SRRM1: variants seen among roughly 807,000 people sequenced by gnomAD.
SRRM1 encodes serine and arginine repetitive matrix 1.
Under a neutral mutation model 110.2 loss-of-function variants are expected in SRRM1, and 19 were observed. That is an observed-to-expected ratio of 0.17 (90% confidence interval 0.12 to 0.25). The LOEUF is 0.25. Among genes scored for constraint, SRRM1 ranks in the 10% least tolerant of loss-of-function variants. SRRM1 has a pLI of 1.00. For synonymous variants in SRRM1, 443 were observed against 414.9 expected (o/e 1.07, Z -0.82); for missense variants, 918 against 1,145.8 (o/e 0.80, Z 2.87).
intron 12 of SRRM1, among the ~76,000 whole-genome samples, chr1:24,663,878 AAATAATAATAATAAT>A (rs10555916): frequency 9.9e-5 from 14 of 141,514 alleles, no homozygotes; most frequent in African/African-American, 2.3e-4. Context: ...TCCCTCTCAA[AAATAATAATAATAAT>A]AATAATAATA....
chr1:24,660,233 G>C (rs894439508), intron 9 of SRRM1, among the ~76,000 whole-genome samples: 1 of 152,138 alleles, frequency 6.6e-6, no homozygotes, highest in African/African-American at 2.4e-5. Flanking sequence ...TGTGGAGCTC[G>C]TGTAGCACAC....
intron 15 of SRRM1, 90 bp downstream of exon 15, chr1:24,670,405 T>C: frequency 1.3e-5 from 17 of 1,340,934 alleles, no homozygotes; most frequent in Non-Finnish European, 1.6e-5. Flanking sequence ...CATTAAAATA[T>C]TGGTGTTTAA....
chr1:24,654,705 TC>T (rs1557683973), intron 8 of SRRM1, 149 bp from the exon 9 acceptor site: 2 of 881,420 alleles, frequency 2.3e-6, no homozygotes, highest in South Asian at 1.7e-5. Context: ...TATGGTTTTT[TC>T]CCCCATTCTT....
In SRRM1 at chr1:24,672,441, T is replaced by C. The variant is rs1277568612; in HGVS notation, c.*155T>C. 2.7e-5 allele frequency: 14 copies of C among 526,140 alleles called. No homozygotes were observed. Among genetic ancestry groups the C allele is most frequent in the Non-Finnish European group, 4.5e-5 (13 of 288,910 alleles). 32.6% of individuals were successfully genotyped at this position (526,140 alleles called of 1,614,324 possible). On this transcript the variant is annotated 3_prime_UTR_variant, in exon 17 of 17. Transcript: ENST00000323848. ...TAAAAAAAGGGGGCATGGATTTACA[T>C]TGCAAAAGGTGTCCACAGTGTATTA...
At chr1:24,660,935 G>A (rs1307935650) in intron 10 of SRRM1, 136 bp downstream of exon 10, 1 of 566,530 alleles carries the variant, frequency 1.8e-6, no homozygotes, top group East Asian at 3.0e-5. Context: ...AGACTCTGAA[G>A]GCAGACAGAC....
chr1:24,646,392 T>C (rs1253002560), intron 2 of SRRM1, among the ~76,000 whole-genome samples: 4 of 151,978 alleles, frequency 2.6e-5, no homozygotes. Flanking sequence ...CCGGGCGTGG[T>C]GGCGGGTGCC....
At chr1:24,670,690 G>T (rs937728547) in intron 15 of SRRM1, among the ~76,000 whole-genome samples, 2 of 152,264 alleles carry the variant, frequency 1.3e-5, no homozygotes, top group South Asian at 2.1e-4. Context: ...TAGAGACAGG[G>T]TCTTGCTGTG....
In SRRM1 at chr1:24,643,304, C is replaced by A. The variant is rs371622513; in HGVS notation, c.-23C>A. ...GCGCGGTGTACCCTGGGATAGGGAG[C>A]GATCTCCGAGCGAGGCGGCAAGATG... On this transcript the variant is annotated 5_prime_UTR_variant, in exon 1 of 17. Transcript: ENST00000323848. 46 of 1,564,718 alleles carry A rather than the reference C, an allele frequency of 2.9e-5. No individual in the cohort carries two copies. Among genetic ancestry groups the A allele is most frequent in the African/African-American group, 5.7e-5 (4 of 70,188 alleles).
intron 14 of SRRM1, 189 bp from the exon 15 acceptor site, chr1:24,669,931 A>T: frequency 1.7e-6 from 1 of 600,366 alleles, no homozygotes; most frequent in Non-Finnish European, 2.9e-6. Flanking sequence ...TAGATAGAGG[A>T]TTATGGGGCT....
rs780285112 is a variant in SRRM1 at position 24,649,042 on chromosome 1, T to C, written c.405+13T>C. ...AAAACAAAGACAGGTAATAACCTTT[T>C]CTTTTCTGTAATGTCGATTTGAGAG... On this transcript the variant is annotated intron_variant, in intron 4 of 16. Coordinates refer to ENST00000323848, the MANE Select transcript of SRRM1 (RefSeq NM_005839.4). The C allele has an allele frequency of 1.7e-5, 28 of 1,609,120 alleles. No homozygotes were observed. The highest frequency in any genetic ancestry group is 2.7e-5 in the African/African-American group (2 of 74,414).
At chr1:24,667,136 A>G (rs1383057100) in intron 13 of SRRM1, among the ~76,000 whole-genome samples, 1 of 152,236 alleles carries the variant, frequency 6.6e-6, no homozygotes, top group African/African-American at 2.4e-5. Context: ...GCAGACTAGC[A>G]TTGTTCAGCC....
chr1:24,650,146 C>A, intron 5 of SRRM1, 60 bp downstream of exon 5: 2 of 1,434,788 alleles, frequency 1.4e-6, no homozygotes, highest in East Asian at 2.6e-5. Flanking sequence ...TAAGAAACTT[C>A]CTTAGTTAAA....
intron 10 of SRRM1, chr1:24,661,071 A>G: frequency 1.9e-6 from 1 of 528,108 alleles, no homozygotes; most frequent in East Asian, 3.0e-5. Context: ...ATCTGCTTGT[A>G]AAATGCTTGG....
chr1:24,660,680 T>C (rs1666736873), intron 9 of SRRM1, 39 bp from the exon 10 acceptor site: 1 of 1,181,544 alleles, frequency 8.5e-7, no homozygotes, highest in African/African-American at 1.6e-5. Context: ...TAGACCTTTT[T>C]TTGTACGTAA....
chr1:24,663,259 A>G (rs889428693), intron 12 of SRRM1: 8 of 1,463,670 alleles, frequency 5.5e-6, no homozygotes, highest in African/African-American at 4.2e-5. Flanking sequence ...TTAGGGTTAC[A>G]TGTCAAAAAT....
chr1:24,652,925 T>C lies in SRRM1; in HGVS notation c.933T>C (p.Pro311=), dbSNP rs761834728. The C allele has an allele frequency of 9.3e-6, 15 of 1,613,800 alleles. No individual in the cohort carries two copies. The South Asian group carries it at 1.6e-4, about 18-fold the overall frequency. Residue 311 remains proline (P), a synonymous_variant, in exon 8 of 17, where the codon CCT becomes CCC. Coordinates refer to ENST00000323848, the MANE Select transcript of SRRM1 (RefSeq NM_005839.4). ...RHRSRSRSYS[P]RRRPSPRRRP... Reference sequence around the variant, plus strand: ...TTTGTTATGGCAGATCGTATTCACCTAGAAGGCGGCCAAGCCCAAGAAGGC... The same window carrying C: ...TTTGTTATGGCAGATCGTATTCACCCAGAAGGCGGCCAAGCCCAAGAAGGC...
rs1193515061 is a variant in SRRM1, at chr1:24,664,682, G to A, written c.1628+1878G>A. ...GTGTTTGTGATGGAGCAAAGCACGGGGTATTTACACTGTGGAGGAAACTGC... is the reference window on the plus strand; with the variant it reads ...GTGTTTGTGATGGAGCAAAGCACGGAGTATTTACACTGTGGAGGAAACTGC... On this transcript the variant is annotated intron_variant, in intron 12 of 16. Transcript: ENST00000323848. 2.6e-5 allele frequency among the ~76,000 whole-genome samples: 4 copies of A among 152,002 alleles called. 1 individual carries two copies. Among genetic ancestry groups the A allele is most frequent in the Admixed American group, 1.3e-4 (2 of 15,256 alleles).
rs1215778545 is a variant in SRRM1, at chr1:24,652,029, AATATATATATATATATATAT to A, written c.726-390_726-371del. ...ATGGTGAAACTCCATCTGTACTAAA[AATATATATATATATATATAT>A]ATATATATATATATGTACACACACA... On this transcript the variant is annotated intron_variant, in intron 6 of 16. Transcript: ENST00000323848. 1.5e-3 allele frequency among the ~76,000 whole-genome samples: 123 copies of A among 79,868 alleles called. 5 individuals are homozygous for A. The highest frequency in any genetic ancestry group is 0.014 in the East Asian group (29 of 2,078). The allele number at this position is 79,868 out of a possible 152,430, so 52.4% of individuals were successfully genotyped here. A position where few individuals can be genotyped will look rare whatever the true frequency, so the allele number is the denominator to read the frequency against.
chr1:24,652,514 A>G lies in SRRM1; in HGVS notation c.806A>G (p.Lys269Arg). The change falls in exon 7 of 17, where the codon AAG (lysine) becomes AGG (arginine). Residue 269 changes from lysine (K) to arginine (R), a missense_variant. By Grantham distance (26) the Lys-to-Arg change is conservative. Transcript: ENST00000323848. ...PSPEKNSKKE[K>R]EKEKTRPRSR... ...CCGGAAAAAAATTCCAAAAAAGAAA[A>G]GGAGAAGGAGAAGACCCGACCACGA... The G allele has an allele frequency of 6.2e-7, 1 of 1,613,102 alleles. No homozygotes were observed. Among genetic ancestry groups the G allele is most frequent in the Admixed American group, 1.7e-5 (1 of 59,936 alleles).
Sources: gnomAD v4.1 joint callset for allele counts (sites outside exome capture counted in the v4.1 genomes callset) on GRCh38, gnomAD v4.1.1 for gene constraint, MANE v1.5 for transcripts, NCBI Gene and HGNC (gene_info 2026-07-23, HGNC 2026-07-21) for gene names.